E4F1: variants seen among roughly 807,000 people sequenced by gnomAD.
E4F1 encodes the protein transcription factor E4F1.
E4F1 carries 30 observed loss-of-function variants against 72.9 expected under a neutral mutation model. The ratio of observed to expected loss-of-function variants is 0.41; its 90% CI spans 0.31 to 0.56. The LOEUF (loss-of-function observed/expected upper bound fraction) is 0.56, where lower values mean the gene tolerates loss of function less well. Ranked by LOEUF, E4F1 falls within the 20% of genes least tolerant of loss-of-function variation. The pLI is 0.25. For synonymous variants in E4F1, 542 were observed against 478.2 expected (o/e 1.13, Z -1.74); for missense variants, 1,091 against 1,117.5 (o/e 0.98, Z 0.34).
intron 3 of E4F1, 159 bp downstream of exon 3, chr16:2,229,834 GA>G: frequency 1.4e-6 from 1 of 723,392 alleles, no homozygotes; most frequent in Non-Finnish European, 2.3e-6. Context: ...CAGCCTGCAG[GA>G]GGAGGAAGCG....
chr16:2,229,883 G>A (rs1302055275), intron 3 of E4F1: 6 of 556,096 alleles, frequency 1.1e-5, no homozygotes, highest in South Asian at 4.0e-5. Flanking sequence ...CACAGTGGCC[G>A]GGGGCACACC....
intron 1 of E4F1, among the ~76,000 whole-genome samples, chr16:2,226,684 G>T (rs549813797): frequency 6.6e-6 from 1 of 152,226 alleles, no homozygotes; most frequent in African/African-American, 2.4e-5. Flanking sequence ...ACACTCAGCC[G>T]TTTGGTGACC....
Position 2,235,505 on chromosome 16 carries a change from A to G in E4F1, c.2288A>G (p.Glu763Gly). ...MVSSEDIEILEHAGELVIASP... is the reference protein window; with the variant it reads ...MVSSEDIEILGHAGELVIASP... ...TCATCAGAGGACATCGAGATCCTGGAGCATGCAGGCGAGCTGGTCATCGCC... is the reference window on the plus strand; with the variant it reads ...TCATCAGAGGACATCGAGATCCTGGGGCATGCAGGCGAGCTGGTCATCGCC... The change falls in exon 14 of 14, where the codon GAG becomes GGG. Residue 763 changes from glutamate (E) to glycine (G), a missense_variant. Physicochemically the swap from Glu to Gly is moderately conservative, Grantham distance 98. Coordinates refer to ENST00000301727, the MANE Select transcript of E4F1 (RefSeq NM_004424.5). 1 of 1,609,728 alleles carries G rather than the reference A, an allele frequency of 6.2e-7. No homozygotes were observed. Among genetic ancestry groups the G allele is most frequent in the African/African-American group, 1.3e-5 (1 of 74,938 alleles).
chr16:2,223,868 T>TCCCAGA, intron 1 of E4F1, 98 bp downstream of exon 1: 1 of 1,532,444 alleles, frequency 6.5e-7, no homozygotes, highest in Non-Finnish European at 8.7e-7. Flanking sequence ...CGACCGACCC[T>TCCCAGA]CCCAGACCCA....
chr16:2,234,055 G>C, intron 9 of E4F1, 65 bp downstream of exon 9: 1 of 1,530,502 alleles, frequency 6.5e-7, no homozygotes, highest in Non-Finnish European at 8.8e-7. Context: ...GGGTGCTTCT[G>C]GGTGTCCAGG....
At chr16:2,233,267 G>T in intron 7 of E4F1, 84 bp downstream of exon 7, 1 of 1,507,636 alleles carries the variant, frequency 6.6e-7, no homozygotes, top group East Asian at 2.3e-5. Flanking sequence ...TGGCTCCAGG[G>T]GTCTGAGCCA....
chr16:2,234,834 G>C (rs1340084544), intron 11 of E4F1, 25 bp from the exon 12 acceptor site: 7 of 1,547,476 alleles, frequency 4.5e-6, no homozygotes, highest in Non-Finnish European at 6.1e-6. Context: ...GGCTTGCCTA[G>C]CCCTGACCGA....
chr16:2,234,313 G>A lies in E4F1; in HGVS notation c.1518G>A (p.Val506=), dbSNP rs748928929. The change falls in exon 10 of 14, where the codon GTG becomes GTA. Residue 506 remains valine, a synonymous_variant. Coordinates refer to ENST00000301727, the MANE Select transcript of E4F1 (RefSeq NM_004424.5). ...CGKLYKTIAH[V]RGHRRVHSDE... is the part of the protein sequence containing the mutation. ...AGCTCTACAAGACCATTGCCCATGT[G>A]CGTGGCCACCGGCGCGTCCACTCAG... 8.7e-6 allele frequency: 14 copies of A among 1,612,882 alleles called. No individual in the cohort carries two copies.
chr16:2,225,523 G>C (rs1463220290), intron 1 of E4F1, among the ~76,000 whole-genome samples: 2 of 151,028 alleles, frequency 1.3e-5, no homozygotes, highest in African/African-American at 2.4e-5. Flanking sequence ...GCCCAGGCTG[G>C]AGTGCAATGG....
At position 2,223,597 on chromosome 16, in the gene E4F1, C is replaced by T. The variant is rs969481599; in HGVS notation, c.-17C>T. On this transcript the variant is annotated 5_prime_UTR_variant, in exon 1 of 14. Coordinates refer to ENST00000301727, the MANE Select transcript of E4F1 (RefSeq NM_004424.5). ...ACATGGTCGTAAATCCGCCATCTTC[C>T]TGCGGCGCGTTGCGACATGGAGGGC... The T allele has an allele frequency of 2.0e-5, 32 of 1,583,566 alleles. No homozygotes were observed. Among genetic ancestry groups the T allele is most frequent in the Non-Finnish European group, 2.6e-5 (31 of 1,171,560 alleles).
At chr16:2,225,562 C>T (rs1275070172) in intron 1 of E4F1, among the ~76,000 whole-genome samples, 2 of 151,524 alleles carry the variant, frequency 1.3e-5, no homozygotes, top group Admixed American at 6.6e-5. Context: ...CAACCTCCGC[C>T]TCCCGGGTTC....
intron 2 of E4F1, 79 bp from the exon 3 acceptor site, chr16:2,229,491 G>A: frequency 1.4e-6 from 2 of 1,458,778 alleles, no homozygotes; most frequent in South Asian, 2.3e-5. Flanking sequence ...GCTTTACACT[G>A]GCAGAGCCCA....
At chr16:2,225,289 G>T (rs1415956133) in intron 1 of E4F1, among the ~76,000 whole-genome samples, 1 of 152,054 alleles carries the variant, frequency 6.6e-6, no homozygotes, top group Admixed American at 6.6e-5. Context: ...TGGGGGCACT[G>T]AGAGCTTTTG....
At chr16:2,227,241 T>G (rs2093437375) in intron 1 of E4F1, among the ~76,000 whole-genome samples, 1 of 152,058 alleles carries the variant, frequency 6.6e-6, no homozygotes, top group Admixed American at 6.6e-5. Flanking sequence ...ATGGAGTCTC[T>G]CTCTGTTGCC....
Position 2,233,162 on chromosome 16 carries a change from C to A in E4F1, c.1035C>A (p.Gly345=), listed in dbSNP as rs2093479298. 6.2e-7 allele frequency: 1 copy of A among 1,607,456 alleles called. No homozygotes were observed. The highest frequency in any genetic ancestry group is 2.2e-5 in the East Asian group (1 of 44,716). The change falls in exon 7 of 14, where the codon GGC becomes GGA. Residue 345 remains glycine (G), a synonymous_variant. Transcript: ENST00000301727. ...VHVQMQELSL[G]MKALAPEPPV... ...TCCAGATGCAGGAGCTGTCCCTGGG[C>A]ATGAAAGCCCTGGCCCCAGAGGTGG...
At position 2,234,229 on chromosome 16, in the gene E4F1, C is replaced by G; in HGVS notation, c.1434C>G (p.Leu478=). The stretch of plus-strand genomic sequence containing the variant: ...AGGCCTTCCCCAAGGCCTACCTGCT[C>G]AAGAAGCACCAGGAGGTGCACGTGC... The part of the protein sequence containing the change: ...CGKAFPKAYL[L]KKHQEVHVRE... Residue 478 remains leucine (L), a synonymous_variant, in exon 10 of 14, where the codon CTC becomes CTG. Transcript: ENST00000301727. 2 of 1,612,818 alleles carry G rather than the reference C, an allele frequency of 1.2e-6. No individual in the cohort carries two copies. The highest frequency in any genetic ancestry group is 1.7e-6 in the Non-Finnish European group (2 of 1,179,936).
chr16:2,233,044 C>G lies in E4F1; in HGVS notation c.917C>G (p.Ala306Gly), dbSNP rs2093478382. ...SGAGAAGLGT[A>G]TSSVTGEPIE... ...GCTGGAGCTGCCGGCTTGGGGACAG[C>G]CACATCATCGGTGACAGGCGAGCCT... Residue 306 changes from alanine to glycine, a missense_variant, in exon 7 of 14, where the codon GCC (alanine) becomes GGC (glycine). Ala to Gly is a moderately conservative substitution (Grantham distance 60). Around this residue, in one of 5 missense-constraint regions of E4F1, gnomAD observed 101 missense variants for 97.4 expected, o/e 1.04. Coordinates refer to ENST00000301727, the MANE Select transcript of E4F1 (RefSeq NM_004424.5). The G allele has an allele frequency of 6.2e-7, 1 of 1,609,634 alleles. No individual in the cohort carries two copies. Among genetic ancestry groups the G allele is most frequent in the Admixed American group, 1.7e-5 (1 of 59,920 alleles).
At chr16:2,224,542 C>G (rs916707407) in intron 1 of E4F1, among the ~76,000 whole-genome samples, 1 of 152,182 alleles carries the variant, frequency 6.6e-6, no homozygotes, top group African/African-American at 2.4e-5. Context: ...GTAATCCCAG[C>G]ACTTTGGGAG....
chr16:2,226,705 G>A (rs1401942546), intron 1 of E4F1, among the ~76,000 whole-genome samples: 1 of 152,208 alleles, frequency 6.6e-6, no homozygotes, highest in Non-Finnish European at 1.5e-5. Context: ...TTGAACTTCA[G>A]GTCATTTTCC....
Sources: gnomAD v4.1 joint callset for allele counts (sites outside exome capture counted in the v4.1 genomes callset) on GRCh38, gnomAD v4.1.1 for gene constraint, gnomAD v4.1.1 regional missense constraint, MANE v1.5 for transcripts, NCBI Gene and HGNC (gene_info 2026-07-23, HGNC 2026-07-21) for gene names.